The following STON2 variants were observed in gnomAD, a reference collection of about 807,000 sequenced individuals.
The protein encoded by STON2 is stonin-2.
A neutral mutation model predicts 65.7 loss-of-function variants in STON2; 29 were observed. The ratio of observed to expected loss-of-function variants is 0.44; its 90% CI spans 0.33 to 0.60. STON2 has a LOEUF of 0.60. Ranked by LOEUF, STON2 falls within the 20% of genes least tolerant of loss-of-function variation. STON2 has a pLI of 0.03. For synonymous variants in STON2, 404 were observed against 414.2 expected (o/e 0.98, Z 0.30); for missense variants, 1,054 against 1,118.1 (o/e 0.94, Z 0.82).
chr14:81,345,240 C>T (rs1897766740), intron 4 of STON2, among the ~76,000 whole-genome samples: 1 of 152,176 alleles, frequency 6.6e-6, no homozygotes, highest in Admixed American at 6.5e-5. Context: ...TGTTAAATTC[C>T]TGACCCTGGT....
chr14:81,410,592 C>T (rs140752687), intron 2 of STON2, among the ~76,000 whole-genome samples: 1 of 152,286 alleles, frequency 6.6e-6, no homozygotes, highest in East Asian at 1.9e-4. Context: ...GAGAACACCA[C>T]TGGCCAACCC....
intron 5 of STON2, among the ~76,000 whole-genome samples, chr14:81,283,494 A>G (rs1056752912): frequency 2.0e-5 from 3 of 150,440 alleles, no homozygotes; most frequent in Non-Finnish European, 4.4e-5. Context: ...ATAAAGGCAT[A>G]CCTCGTCTTT....
intron 3 of STON2, among the ~76,000 whole-genome samples, chr14:81,393,767 C>T (rs571559879): frequency 5.9e-5 from 9 of 152,324 alleles, no homozygotes; most frequent in African/African-American, 2.2e-4. Flanking sequence ...CGTAACTTTT[C>T]CCTACATGCA....
At chr14:81,295,159 C>T (rs974818092) in intron 5 of STON2, among the ~76,000 whole-genome samples, 2 of 152,096 alleles carry the variant, frequency 1.3e-5, no homozygotes, top group Non-Finnish European at 2.9e-5. Flanking sequence ...CCCATCTCTA[C>T]TAAAAATACG....
chr14:81,346,679 C>T (rs139307310), intron 4 of STON2, among the ~76,000 whole-genome samples: 4 of 152,220 alleles, frequency 2.6e-5, no homozygotes, highest in African/African-American at 9.6e-5. Context: ...TGTTAGACCA[C>T]AAAACAAGTC....
intron 4 of STON2, among the ~76,000 whole-genome samples, chr14:81,364,671 G>A (rs1485842348): frequency 5.3e-5 from 8 of 151,878 alleles, no homozygotes; most frequent in South Asian, 2.1e-4. Context: ...ATATAATTTC[G>A]GGAATTTTCA....
At chr14:81,278,869 T>G (rs1246225426) in intron 5 of STON2, 130 bp from the exon 6 acceptor site, 4 of 671,788 alleles carry the variant, frequency 6.0e-6, no homozygotes, top group Non-Finnish European at 9.4e-6. Context: ...GCTCATTATC[T>G]GTTTCAAGTG....
At chr14:81,316,319 C>A (rs1595342588) in intron 5 of STON2, among the ~76,000 whole-genome samples, 1 of 152,314 alleles carries the variant, frequency 6.6e-6, no homozygotes, top group East Asian at 1.9e-4. Context: ...AATGAAGAAA[C>A]TTCAGGAAAT....
chr14:81,350,046 A>T (rs181259996), intron 4 of STON2, among the ~76,000 whole-genome samples: 175 of 152,274 alleles, frequency 1.1e-3, no homozygotes, highest in Middle Eastern at 3.4e-3. Flanking sequence ...GGAGGTAGTG[A>T]GTAGAATCAC....
intron 1 of STON2, among the ~76,000 whole-genome samples, chr14:81,428,446 G>C (rs1902087446): frequency 6.6e-6 from 1 of 152,224 alleles, no homozygotes; most frequent in African/African-American, 2.4e-5. Flanking sequence ...AAATGGGCCA[G>C]GCATGGTGGC....
chr14:81,315,308 C>T (rs1262968391), intron 5 of STON2, among the ~76,000 whole-genome samples: 1 of 152,346 alleles, frequency 6.6e-6, no homozygotes, highest in East Asian at 1.9e-4. Flanking sequence ...TCCTTCCTCA[C>T]TCAACACCTC....
At chr14:81,292,095 T>C (rs544473630) in intron 5 of STON2, among the ~76,000 whole-genome samples, 3 of 152,356 alleles carry the variant, frequency 2.0e-5, no homozygotes, top group South Asian at 2.1e-4. Flanking sequence ...TAACAGCCTA[T>C]CTTAGGCTTT....
intron 4 of STON2, among the ~76,000 whole-genome samples, chr14:81,346,862 T>G (rs1322035015): frequency 6.6e-6 from 1 of 152,072 alleles, no homozygotes; most frequent in Non-Finnish European, 1.5e-5. Context: ...AACGAAAACA[T>G]TTGTTGAAAC....
rs59359589 is a variant in STON2 at position 81,263,537 on chromosome 14, C to CAAAAAAAAAAAAAAAAAA, written c.*4859_*4876dup. On this transcript the variant is annotated 3_prime_UTR_variant, in exon 8 of 8. Transcript: ENST00000614646. ...TGGGTGACAGACTGAGACTCCGTCT[C>CAAAAAAAAAAAAAAAAAA]AAAAAAAAAAAAAAAAAAAAAAACA... 3 of 80,922 alleles carry CAAAAAAAAAAAAAAAAAA rather than the reference C, an allele frequency of 3.7e-5. No homozygotes were observed. Among genetic ancestry groups the CAAAAAAAAAAAAAAAAAA allele is most frequent in the East Asian group, 5.6e-4 (1 of 1,776 alleles). The allele number at this position is 80,922 out of a possible 1,614,324, so 5.0% of individuals were successfully genotyped here.
chr14:81,348,875 G>C (rs61986573), intron 4 of STON2, among the ~76,000 whole-genome samples: 41,841 of 151,822 alleles, frequency 0.28, 6,086 homozygotes, highest in South Asian at 0.35. Flanking sequence ...TGACTAAACA[G>C]CATGGTAATG....
At chr14:81,287,770 T>C (rs1229908446) in intron 5 of STON2, among the ~76,000 whole-genome samples, 2 of 152,196 alleles carry the variant, frequency 1.3e-5, no homozygotes, top group African/African-American at 4.8e-5. Context: ...CACTTCCCCA[T>C]GCTCTCCCCA....
intron 3 of STON2, among the ~76,000 whole-genome samples, chr14:81,382,418 GT>G (rs1899568761): frequency 6.6e-6 from 1 of 151,786 alleles, no homozygotes; most frequent in Non-Finnish European, 1.5e-5. Flanking sequence ...GAGTAATACA[GT>G]ATTATTCCAT....
intron 4 of STON2, among the ~76,000 whole-genome samples, chr14:81,346,579 C>T (rs902587950): frequency 3.9e-5 from 6 of 152,102 alleles, no homozygotes; most frequent in African/African-American, 1.2e-4. Flanking sequence ...CCAAATGAAC[C>T]TAACATATAT....
At chr14:81,369,411 G>T (rs1898885543) in intron 4 of STON2, among the ~76,000 whole-genome samples, 1 of 152,120 alleles carries the variant, frequency 6.6e-6, no homozygotes, top group Admixed American at 6.5e-5. Context: ...AAGAATTAAA[G>T]CAACTTTCAT....
Sources: allele counts gnomAD v4.1 joint callset (sites outside exome capture counted in the v4.1 genomes callset), GRCh38; gene constraint gnomAD v4.1.1; transcripts MANE v1.5; gene names NCBI Gene and HGNC (gene_info 2026-07-23, HGNC 2026-07-21).